Variants in CSMD1 observed in about 807,000 individuals in gnomAD.
The protein encoded by CSMD1 is CUB and sushi domain-containing protein 1.
A neutral mutation model predicts 417.5 loss-of-function variants in CSMD1; 213 were observed. The observed-to-expected ratio is 0.51, with a 90% confidence interval of 0.46 to 0.57. CSMD1 has a LOEUF of 0.57. Among genes scored for constraint, CSMD1 ranks in the 20% least tolerant of loss-of-function variants. The pLI is 0.00. For missense variants in CSMD1, 6,923 were observed against 4,529.7 expected (o/e 1.53, Z -15.17); for synonymous variants, 2,862 against 1,736.8 (o/e 1.65, Z -16.11).
At chr8:4,811,719 T>C (rs1798919373) in intron 1 of CSMD1, among the ~76,000 whole-genome samples, 1 of 152,102 alleles carries the variant, frequency 6.6e-6, no homozygotes, top group South Asian at 2.1e-4. Flanking sequence ...TGAATACTGA[T>C]TCATTTTTTT....
intron 1 of CSMD1, among the ~76,000 whole-genome samples, chr8:4,804,406 T>G (rs544173059): frequency 6.6e-6 from 1 of 152,224 alleles, no homozygotes; most frequent in African/African-American, 2.4e-5. Context: ...ATTACAAAGC[T>G]TTCTATGCAA....
chr8:3,420,893 A>C (rs1364431975), intron 12 of CSMD1, among the ~76,000 whole-genome samples: 2 of 152,118 alleles, frequency 1.3e-5, no homozygotes, highest in Non-Finnish European at 2.9e-5. Flanking sequence ...GATTGAGAAA[A>C]ATCACTCTTT....
chr8:4,222,861 G>C (rs1181559972), intron 3 of CSMD1, among the ~76,000 whole-genome samples: 1 of 151,986 alleles, frequency 6.6e-6, no homozygotes, highest in Non-Finnish European at 1.5e-5. Flanking sequence ...CAATTAATTT[G>C]TTTTGATCAC....
At chr8:3,049,253 A>G (rs1157703286) in intron 50 of CSMD1, among the ~76,000 whole-genome samples, 1 of 152,114 alleles carries the variant, frequency 6.6e-6, no homozygotes, top group Non-Finnish European at 1.5e-5. Flanking sequence ...ATATGTTAAA[A>G]ACTTATGTCT....
At chr8:4,466,629 CTTTA>C (rs1412185738) in intron 2 of CSMD1, among the ~76,000 whole-genome samples, 1 of 152,084 alleles carries the variant, frequency 6.6e-6, no homozygotes, top group African/African-American at 2.4e-5. Flanking sequence ...AATTTTTTGA[CTTTA>C]TTTAAATGTT....
rs190587121 is a variant in CSMD1 at position 3,977,585 on chromosome 8, A to G, written c.818+20318T>C. Among the ~76,000 whole-genome samples the G allele has an allele frequency of 5.3e-3, 805 of 152,300 alleles. 3 individuals carry two copies. Among genetic ancestry groups the G allele is most frequent in the Non-Finnish European group, 7.3e-3 (498 of 68,024 alleles). On this transcript the variant is annotated intron_variant, in intron 5 of 69. Coordinates refer to ENST00000635120, the MANE Select transcript of CSMD1 (RefSeq NM_033225.6). ...CTTTGTGACTCTGGCACAAAGCCCC[A>G]TGTTAAATTTTATTTTCAAAGTGAG...
intron 2 of CSMD1, among the ~76,000 whole-genome samples, chr8:4,585,568 A>T (rs1168194034): frequency 6.6e-6 from 1 of 152,214 alleles, no homozygotes; most frequent in Non-Finnish European, 1.5e-5. Flanking sequence ...AGAAGTGAAA[A>T]GGTAGAATTC....
chr8:4,558,844 G>T (rs1162887414), intron 2 of CSMD1, among the ~76,000 whole-genome samples: 1 of 151,940 alleles, frequency 6.6e-6, no homozygotes, highest in Non-Finnish European at 1.5e-5. Context: ...CTCCAGACTG[G>T]GCAACAAAGT....
intron 7 of CSMD1, among the ~76,000 whole-genome samples, chr8:3,653,812 A>G (rs1165513536): frequency 6.6e-6 from 1 of 152,192 alleles, no homozygotes; most frequent in East Asian, 1.9e-4. Flanking sequence ...TTAATGACCA[A>G]TACATATTTG....
chr8:3,000,293 T>G (rs1200613308), intron 52 of CSMD1, among the ~76,000 whole-genome samples, 162 bp from the exon 53 acceptor site: 1 of 151,532 alleles, frequency 6.6e-6, no homozygotes, highest in Non-Finnish European at 1.5e-5. Flanking sequence ...AGTTTTTCTT[T>G]TTTTTATTAT....
At chr8:4,870,179 T>C (rs1374990255) in intron 1 of CSMD1, among the ~76,000 whole-genome samples, 1 of 152,210 alleles carries the variant, frequency 6.6e-6, no homozygotes, top group East Asian at 1.9e-4. Flanking sequence ...ATTTATAAAG[T>C]AAATAATGAA....
chr8:3,122,520 A>T (rs1817266008), intron 41 of CSMD1, among the ~76,000 whole-genome samples: 1 of 152,168 alleles, frequency 6.6e-6, no homozygotes, highest in Non-Finnish European at 1.5e-5. Context: ...CCAAATCTCA[A>T]CTTGAATTGT....
intron 62 of CSMD1, among the ~76,000 whole-genome samples, chr8:2,958,330 C>A (rs1803170736): frequency 6.6e-6 from 1 of 152,192 alleles, no homozygotes; most frequent in Non-Finnish European, 1.5e-5. Context: ...AGCTAACCCC[C>A]ACTTAATTCT....
intron 1 of CSMD1, among the ~76,000 whole-genome samples, chr8:4,800,366 G>T (rs372349351): frequency 6.6e-6 from 1 of 151,008 alleles, no homozygotes; most frequent in Non-Finnish European, 1.5e-5. Flanking sequence ...GGGAGGTGGA[G>T]GTTGCAGTGA....
intron 1 of CSMD1, among the ~76,000 whole-genome samples, chr8:4,864,986 G>C (rs10086167): frequency 0.06 from 8,981 of 150,586 alleles, 784 homozygotes; most frequent in African/African-American, 0.19. Context: ...TATATAATTT[G>C]AAAATTTAGT....
At chr8:3,187,310 A>T (rs977512973) in intron 36 of CSMD1, among the ~76,000 whole-genome samples, 1 of 152,182 alleles carries the variant, frequency 6.6e-6, no homozygotes, top group African/African-American at 2.4e-5. Context: ...ATGACGCTCG[A>T]GGGCAATGGG....
chr8:3,132,914 G>T (rs1817871799), intron 41 of CSMD1, among the ~76,000 whole-genome samples: 1 of 152,164 alleles, frequency 6.6e-6, no homozygotes, highest in East Asian at 1.9e-4. Context: ...TGTGCTCCAG[G>T]AAATATCTAA....
chr8:4,546,658 G>T (rs2130542502), intron 2 of CSMD1, among the ~76,000 whole-genome samples: 2 of 152,136 alleles, frequency 1.3e-5, no homozygotes, highest in East Asian at 3.9e-4. Context: ...TACGCCAATG[G>T]CTTTCCTGGA....
rs150353235 is a variant in CSMD1, at chr8:3,990,172, G to A, written c.818+7731C>T. Among the ~76,000 whole-genome samples the A allele has an allele frequency of 7.2e-3, 1,097 of 152,194 alleles. 7 individuals are homozygous for A. Among genetic ancestry groups the A allele is most frequent in the Middle Eastern group, 0.034 (10 of 294 alleles). ...TTTTTTATTGTTTCCAGGATTAAGG[G>A]CCACATACAAAAAGAAAGAAGTGTG... On this transcript the variant is annotated intron_variant, in intron 5 of 69. Transcript: ENST00000635120.
Sources: gnomAD v4.1 joint callset for allele counts (sites outside exome capture counted in the v4.1 genomes callset) on GRCh38, gnomAD v4.1.1 for gene constraint, MANE v1.5 for transcripts, NCBI Gene and HGNC (gene_info 2026-07-23, HGNC 2026-07-21) for gene names.